Variants in TRIM24 observed in about 807,000 individuals in gnomAD.
TRIM24 encodes the protein tripartite motif containing 24, also known as transcription intermediary factor 1-alpha.
Under a neutral mutation model 123.9 loss-of-function variants are expected in TRIM24, and 29 were observed. The ratio of observed to expected loss-of-function variants is 0.23; its 90% CI spans 0.17 to 0.32. TRIM24 has a LOEUF of 0.32. Ranked by LOEUF, TRIM24 falls within the 10% of genes least tolerant of loss-of-function variation. The pLI is 1.00. For synonymous variants in TRIM24, 456 were observed against 461.1 expected (o/e 0.99, Z 0.14); for missense variants, 932 against 1,295.3 (o/e 0.72, Z 4.31).
chr7:138,522,001 C>G (rs980155429), intron 4 of TRIM24, among the ~76,000 whole-genome samples: 1 of 152,110 alleles, frequency 6.6e-6, no homozygotes, highest in Admixed American at 6.5e-5. Flanking sequence ...TGGCAGGTGC[C>G]TGTAAGTGCT....
chr7:138,510,612 G>T (rs1488076746), intron 2 of TRIM24, among the ~76,000 whole-genome samples: 2 of 152,124 alleles, frequency 1.3e-5, no homozygotes, highest in Non-Finnish European at 2.9e-5. Context: ...AGTAGAGACA[G>T]GGTTTCACCA....
intron 2 of TRIM24, among the ~76,000 whole-genome samples, chr7:138,505,122 C>G (rs887477773): frequency 1.3e-5 from 2 of 151,798 alleles, no homozygotes; most frequent in African/African-American, 4.8e-5. Context: ...ATAAAAGGAG[C>G]CAAACATTAG....
rs965468317 is a variant in TRIM24 at position 138,538,634 on chromosome 7, T to A, written c.997-23T>A. 5 of 1,613,246 alleles carry A rather than the reference T, an allele frequency of 3.1e-6. No homozygotes were observed. The African/African-American group carries it at 6.7e-5, about 22-fold the overall frequency. On this transcript the variant is annotated intron_variant, in intron 6 of 18. Coordinates refer to ENST00000343526, the MANE Select transcript of TRIM24 (RefSeq NM_015905.3). ...CTATGTTACATGCTGATACTAATTT[T>A]GAAACTATTTTCTTGTTTTCAGAGC...
chr7:138,499,089 T>TA (rs1420694716), intron 1 of TRIM24, among the ~76,000 whole-genome samples: 1 of 152,210 alleles, frequency 6.6e-6, no homozygotes, highest in Non-Finnish European at 1.5e-5. Flanking sequence ...TCTTTTTTTT[T>TA]AATTTTTTTT....
chr7:138,519,361 G>A (rs1220663973), intron 4 of TRIM24, 40 bp downstream of exon 4: 1 of 1,551,082 alleles, frequency 6.4e-7, no homozygotes, highest in Non-Finnish European at 8.7e-7. Context: ...TTCATATGCA[G>A]CTTTAGAGGA....
At chr7:138,580,018 A>G (rs1365125856) in intron 15 of TRIM24, among the ~76,000 whole-genome samples, 1 of 152,216 alleles carries the variant, frequency 6.6e-6, no homozygotes, top group African/African-American at 2.4e-5. Context: ...CAGCTACCAC[A>G]GTTTATTATG....
chr7:138,545,069 G>A (rs111448094), intron 7 of TRIM24, among the ~76,000 whole-genome samples: 3,308 of 152,268 alleles, frequency 0.022, 103 homozygotes, highest in African/African-American at 0.073. Context: ...GGCTATGTGT[G>A]TTGAGTATAT....
At chr7:138,557,283 G>A (rs112449126) in intron 9 of TRIM24, among the ~76,000 whole-genome samples, 2,952 of 152,046 alleles carry the variant, frequency 0.019, 96 homozygotes, top group African/African-American at 0.067. Context: ...TTTTAATTTC[G>A]GCTTCATTCC....
intron 1 of TRIM24, among the ~76,000 whole-genome samples, chr7:138,489,996 C>T (rs913893265): frequency 7.9e-5 from 12 of 152,300 alleles, no homozygotes; most frequent in African/African-American, 2.9e-4. Flanking sequence ...ACCGATCAGA[C>T]GTAGATTTGG....
At position 138,518,944 on chromosome 7, in the gene TRIM24, C is replaced by T. The variant is rs1550378; in HGVS notation, c.632-245C>T. 3.9e-5 allele frequency among the ~76,000 whole-genome samples: 6 copies of T among 152,276 alleles called. No homozygotes were observed. The East Asian group carries it at 1.2e-3, about 29-fold the overall frequency. ...TTTTTAACTACACACTTAGTTCTTT[C>T]ATTTACTCCTGAACTAATGTTAATT... On this transcript the variant is annotated intron_variant, in intron 3 of 18. Transcript: ENST00000343526.
chr7:138,517,433 C>T (rs1164844006), intron 3 of TRIM24, among the ~76,000 whole-genome samples: 2 of 151,854 alleles, frequency 1.3e-5, no homozygotes, highest in African/African-American at 2.4e-5. Flanking sequence ...TGCAGTGGTG[C>T]GATCTCAGCT....
rs2116701385 is a variant in TRIM24, at chr7:138,585,655, C to G, written c.*704C>G. On this transcript the variant is annotated 3_prime_UTR_variant, in exon 19 of 19. Coordinates refer to ENST00000343526, the MANE Select transcript of TRIM24 (RefSeq NM_015905.3). Reference sequence around the variant, plus strand: ...ATTTTGGTATAGCAGGTTTTCAAGGCCATTTTTTATACATTTCTAGATCTA... The same window carrying G: ...ATTTTGGTATAGCAGGTTTTCAAGGGCATTTTTTATACATTTCTAGATCTA... 2.7e-6 allele frequency: 1 copy of G among 368,270 alleles called. No homozygotes were observed. Among genetic ancestry groups the G allele is most frequent in the African/African-American group, 2.2e-5 (1 of 45,686 alleles). 22.8% of individuals were successfully genotyped at this position (368,270 alleles called of 1,614,324 possible). A position where few individuals can be genotyped will look rare whatever the true frequency, so the allele number is the denominator to read the frequency against.
intron 7 of TRIM24, among the ~76,000 whole-genome samples, chr7:138,544,657 G>A (rs10248731): frequency 0.8 from 121,992 of 152,146 alleles, 49,186 homozygotes; most frequent in African/African-American, 0.83. Context: ...CCTTTTATCC[G>A]CACCCTGGCC....
chr7:138,576,597 T>C (rs1046708089), intron 13 of TRIM24, 152 bp downstream of exon 13: 33 of 571,410 alleles, frequency 5.8e-5, no homozygotes, highest in Non-Finnish European at 8.8e-5. Context: ...TTTTAATGAA[T>C]TAGTTAAGGG....
At chr7:138,559,943 C>T (rs1463164951) in intron 9 of TRIM24, among the ~76,000 whole-genome samples, 3 of 151,894 alleles carry the variant, frequency 2.0e-5, no homozygotes, top group African/African-American at 7.3e-5. Context: ...GCCATGGATT[C>T]TTTGCATGGC....
chr7:138,481,096 G>A (rs1185572513), intron 1 of TRIM24, among the ~76,000 whole-genome samples: 3 of 152,032 alleles, frequency 2.0e-5, no homozygotes, highest in African/African-American at 4.8e-5. Context: ...AGGTTCAAGC[G>A]ATTCTCCTGC....
intron 13 of TRIM24, among the ~76,000 whole-genome samples, chr7:138,576,712 A>G (rs951886955): frequency 9.9e-5 from 15 of 152,220 alleles, no homozygotes; most frequent in African/African-American, 3.6e-4. Context: ...AAACATAAAA[A>G]TGAATAGGCA....
intron 4 of TRIM24, among the ~76,000 whole-genome samples, chr7:138,520,232 C>T (rs1474870151): frequency 6.6e-6 from 1 of 152,154 alleles, no homozygotes; most frequent in Non-Finnish European, 1.5e-5. Context: ...AATGTGTCTC[C>T]TTGTCTTGAG....
chr7:138,485,988 C>T (rs1432602894), intron 1 of TRIM24, among the ~76,000 whole-genome samples: 1 of 152,192 alleles, frequency 6.6e-6, no homozygotes, highest in African/African-American at 2.4e-5. Context: ...TCTCCACATC[C>T]TCTCCAGCAC....
Sources: gnomAD v4.1 joint callset for allele counts (sites outside exome capture counted in the v4.1 genomes callset) on GRCh38, gnomAD v4.1.1 for gene constraint, MANE v1.5 for transcripts, NCBI Gene and HGNC (gene_info 2026-07-23, HGNC 2026-07-21) for gene names.